Variants in AXIN1 observed in about 807,000 individuals in gnomAD.
The protein encoded by AXIN1 is axin 1, also known as axin-1.
A neutral mutation model predicts 76.4 loss-of-function variants in AXIN1; 30 were observed. The ratio of observed to expected loss-of-function variants is 0.39; its 90% confidence interval spans 0.29 to 0.53. The LOEUF is 0.53. AXIN1 is among the 20% of genes least tolerant of loss of function. The pLI, the probability that AXIN1 is intolerant of heterozygous loss-of-function variation, is 0.66. For missense variants in AXIN1, 1,140 were observed against 1,198.8 expected (o/e 0.95, Z 0.72); for synonymous variants, 545 against 501.4 (o/e 1.09, Z -1.16).
intron 7 of AXIN1, among the ~76,000 whole-genome samples, chr16:296,219 G>A (rs1280650226): frequency 1.3e-5 from 2 of 152,280 alleles, no homozygotes; most frequent in Non-Finnish European, 2.9e-5. Flanking sequence ...TGCGGGACAG[G>A]CTTCCAACAC....
intron 2 of AXIN1, among the ~76,000 whole-genome samples, chr16:345,221 C>T (rs1325587207): frequency 6.6e-6 from 1 of 152,178 alleles, no homozygotes; most frequent in Non-Finnish European, 1.5e-5. Flanking sequence ...ACAGGCCCTG[C>T]CAGGATCGCC....
rs565001367 is a variant in AXIN1, at chr16:291,091, C to T, written c.2294+99G>A. 8.4e-4 allele frequency: 979 copies of T among 1,167,668 alleles called. 4 individuals are homozygous for T. Among genetic ancestry groups the T allele is most frequent in the Non-Finnish European group, 4.1e-4 (327 of 799,142 alleles). 72.3% of individuals were successfully genotyped at this position (1,167,668 alleles called of 1,614,324 possible). On this transcript the variant is annotated intron_variant, in intron 9 of 10. Coordinates refer to ENST00000262320, the MANE Select transcript of AXIN1 (RefSeq NM_003502.4). ...CACAGCTGCTTCTGAGCGTGGTACC[C>T]GAGCTCAAGCCCCGGGACGGCGGCT...
At chr16:321,672 C>T (rs1055314767) in intron 2 of AXIN1, among the ~76,000 whole-genome samples, 9 of 151,770 alleles carry the variant, frequency 5.9e-5, no homozygotes, top group Non-Finnish European at 1.2e-4. Flanking sequence ...GGGTTAAACC[C>T]TCTCATAGCT....
chr16:310,129 C>G (rs2053136652), intron 3 of AXIN1, 60 bp from the exon 4 acceptor site: 3 of 1,501,208 alleles, frequency 2.0e-6, no homozygotes, highest in Non-Finnish European at 2.7e-6. Context: ...CAGCACCGTG[C>G]CAATAGAGCT....
chr16:289,789 G>A (rs911315762), intron 9 of AXIN1, 182 bp from the exon 10 acceptor site: 11 of 748,194 alleles, frequency 1.5e-5, no homozygotes, highest in East Asian at 1.1e-4. Flanking sequence ...TAGTCCGCTA[G>A]CAGTGGAGTC....
intron 2 of AXIN1, among the ~76,000 whole-genome samples, chr16:336,786 C>T (rs2053812372): frequency 7.0e-6 from 1 of 143,586 alleles, no homozygotes; most frequent in Non-Finnish European, 1.5e-5. Flanking sequence ...CACTGCACTC[C>T]AGTCTGGGCA....
At chr16:309,483 G>A (rs182024376) in intron 4 of AXIN1, among the ~76,000 whole-genome samples, 26 of 152,274 alleles carry the variant, frequency 1.7e-4, no homozygotes, top group Middle Eastern at 3.4e-3. Context: ...AAGCCCCCAT[G>A]CCCGAGACTG....
intron 5 of AXIN1, 38 bp downstream of exon 5, chr16:304,266 C>T (rs2141544421): frequency 6.2e-7 from 1 of 1,601,368 alleles, no homozygotes; most frequent in African/African-American, 1.4e-5. Context: ...AACAGCACGA[C>T]ACCGACGCGG....
chr16:317,848 T>A (rs2053338791), intron 2 of AXIN1, among the ~76,000 whole-genome samples: 3 of 152,256 alleles, frequency 2.0e-5, no homozygotes, highest in Non-Finnish European at 4.4e-5. Context: ...GATCTCAGGT[T>A]AAGTACTAAA....
rs1596956328 is a variant in AXIN1 at position 288,089 on chromosome 16, C to T, written c.*33G>A. 1 of 1,612,810 alleles carries T rather than the reference C, an allele frequency of 6.2e-7. No homozygotes were observed. The highest frequency in any genetic ancestry group is 8.5e-7 in the Non-Finnish European group (1 of 1,179,986). On this transcript the variant is annotated 3_prime_UTR_variant, in exon 11 of 11. Coordinates refer to ENST00000262320, the MANE Select transcript of AXIN1 (RefSeq NM_003502.4). ...CGTGACACCCGTGCCCGCCAAGGGC[C>T]TCGCCTGGCACAGCGGCCAGCCCAC...
At chr16:338,027 G>A (rs1467935143) in intron 2 of AXIN1, among the ~76,000 whole-genome samples, 2 of 152,204 alleles carry the variant, frequency 1.3e-5, no homozygotes, top group African/African-American at 2.4e-5. Flanking sequence ...CTGAGGTGAA[G>A]CTGCTTCCCT....
chr16:311,103 G>A (rs2053164984), intron 3 of AXIN1, among the ~76,000 whole-genome samples: 1 of 5,122 alleles, frequency 2.0e-4, no homozygotes, highest in Non-Finnish European at 3.3e-4. Context: ...CGCGATCTCG[G>A]ATCACTGCAA....
Position 351,747 on chromosome 16 carries a change from A to T in AXIN1, c.-82+622T>A, listed in dbSNP as rs544522310. On this transcript the variant is annotated intron_variant, in intron 1 of 10. Transcript: ENST00000262320. ...ATAGTGACACCCCATCTCTACAAAA[A>T]ATATATATATATATATCTTATAGAT... Among the ~76,000 whole-genome samples, 180 of 140,564 alleles carry T rather than the reference A, an allele frequency of 1.3e-3. 2 individuals carry two copies. The highest frequency in any genetic ancestry group is 3.1e-3 in the Admixed American group (44 of 14,340). The allele number at this position is 140,564 out of a possible 152,430, so 92.2% of individuals were successfully genotyped here.
At chr16:299,207 G>C (rs2052801228) in intron 5 of AXIN1, 2 of 985,316 alleles carry the variant, frequency 2.0e-6, no homozygotes, top group Non-Finnish European at 2.4e-6. Context: ...AAGCTTATCT[G>C]TCAGAGCAAA....
At chr16:339,749 C>T (rs2053878680) in intron 2 of AXIN1, among the ~76,000 whole-genome samples, 1 of 152,076 alleles carries the variant, frequency 6.6e-6, no homozygotes, top group Admixed American at 6.5e-5. Flanking sequence ...AGACTAGAAA[C>T]CCCCCACACC....
Position 293,545 on chromosome 16 carries a change from G to C in AXIN1, c.2129C>G (p.Ala710Gly), listed in dbSNP as rs768565859. Residue 710 changes from alanine (A) to glycine (G), a missense_variant, in exon 8 of 11, where the codon GCG (alanine) becomes GGG (glycine). Transcript: ENST00000262320. The surrounding 1 kb of genome is among the most constrained non-coding windows in gnomAD (Gnocchi z 4.6). ...TTCTTCCTCCTCCAGACGTCGGCGC[G>C]CCTCCTCCAGCTGGGTTAGGGGGTT... ...APNPLTQLEE[A>G]RRRLEEEEKR... 3 of 1,611,476 alleles carry C rather than the reference G, an allele frequency of 1.9e-6. No homozygotes were observed. Among genetic ancestry groups the C allele is most frequent in the Non-Finnish European group, 2.5e-6 (3 of 1,179,976 alleles).
chr16:337,497 CAA>C (rs35744069), intron 2 of AXIN1, among the ~76,000 whole-genome samples: 113 of 72,010 alleles, frequency 1.6e-3, no homozygotes, highest in Middle Eastern at 0.013. Context: ...GGGTCAAAAC[CAA>C]AAAAAAAAAA....
At chr16:341,639 C>T (rs1474364792) in intron 2 of AXIN1, among the ~76,000 whole-genome samples, 2 of 152,200 alleles carry the variant, frequency 1.3e-5, no homozygotes, top group South Asian at 2.1e-4. Flanking sequence ...GCGCACGGCA[C>T]GGGACTGGCA....
At chr16:339,225 CG>C (rs1390308370) in intron 2 of AXIN1, among the ~76,000 whole-genome samples, 1 of 145,080 alleles carries the variant, frequency 6.9e-6, no homozygotes, top group Non-Finnish European at 1.5e-5. Context: ...AAAAAAAGGC[CG>C]GGCGTGGTGG....
Sources: gnomAD v4.1 joint callset for allele counts (sites outside exome capture counted in the v4.1 genomes callset) on GRCh38, gnomAD v4.1.1 for gene constraint, Gnocchi (gnomAD v3.1) non-coding constraint, MANE v1.5 for transcripts, NCBI Gene and HGNC (gene_info 2026-07-23, HGNC 2026-07-21) for gene names.